The following ETNPPL variants were observed in gnomAD, a reference collection of about 807,000 sequenced individuals.
ETNPPL encodes alanine--glyoxylate aminotransferase 2-like 1.
Under a neutral mutation model 55.5 loss-of-function variants are expected in ETNPPL, and 30 were observed. The observed-to-expected ratio is 0.54, with a 90% confidence interval of 0.40 to 0.73. ETNPPL has a LOEUF of 0.73. Ranked by LOEUF, ETNPPL falls within the 30% of genes least tolerant of loss-of-function variation. The pLI, the probability that ETNPPL is intolerant of heterozygous loss-of-function variation, is 0.00. For missense variants in ETNPPL, 528 were observed against 607.9 expected, an observed-to-expected ratio of 0.87 and a Z score of 1.38; for synonymous variants, 202 against 207.2, an observed-to-expected ratio of 0.98 and a Z score of 0.21.
At chr4:108,757,540 A>G (rs937287648) in intron 3 of ETNPPL, among the ~76,000 whole-genome samples, 1 of 152,232 alleles carries the variant, frequency 6.6e-6, no homozygotes, top group East Asian at 1.9e-4. Flanking sequence ...TGGTAGGCCA[A>G]GGCGGGAAGA....
At chr4:108,757,902 C>T (rs893416962) in intron 3 of ETNPPL, among the ~76,000 whole-genome samples, 1 of 151,260 alleles carries the variant, frequency 6.6e-6, no homozygotes, top group Non-Finnish European at 1.5e-5. Flanking sequence ...CCATGCTGGA[C>T]ATAAATTGGT....
intron 1 of ETNPPL, chr4:108,762,236 G>T: frequency 2.5e-6 from 1 of 394,482 alleles, no homozygotes; most frequent in Non-Finnish European, 5.0e-6. Context: ...AGACAAGCAG[G>T]CTGGGAAGAA....
rs1448076109 is a variant in ETNPPL, at chr4:108,754,645, T to C, written c.476A>G (p.Asp159Gly). 8 of 1,587,170 alleles carry C rather than the reference T, an allele frequency of 5.0e-6. No homozygotes were observed. The highest frequency in any genetic ancestry group is 6.9e-6 in the Non-Finnish European group (8 of 1,157,144). ...CACATGTACAAATTCTTTTTTGACA[T>C]CTTTTCCTTTCTGAAACTTATATGG... ...ISPYKFQKGK[D>G]VKKEFVHVAP... Residue 159 changes from aspartate (D) to glycine (G), a missense_variant, in exon 5 of 13, where the codon GAT becomes GGT. Coordinates refer to ENST00000296486, the MANE Select transcript of ETNPPL (RefSeq NM_031279.4).
chr4:108,743,358 C>T (rs535690457), intron 12 of ETNPPL, among the ~76,000 whole-genome samples: 32 of 152,278 alleles, frequency 2.1e-4, no homozygotes, highest in African/African-American at 4.8e-4. Context: ...TCGAAGCTTA[C>T]GCTTTAGTTC....
chr4:108,751,078 A>G lies in ETNPPL; in HGVS notation c.619-60T>C, dbSNP rs767941652. 45 of 1,168,070 alleles carry G rather than the reference A, an allele frequency of 3.9e-5. No homozygotes were observed. In the South Asian group the frequency reaches 4.2e-4, roughly 11 times the overall value. The allele number at this position is 1,168,070 out of a possible 1,614,324, so 72.4% of individuals were successfully genotyped here. A position where few individuals can be genotyped will look rare whatever the true frequency, so the allele number is the denominator to read the frequency against. On this transcript the variant is annotated intron_variant, in intron 6 of 12. Coordinates refer to ENST00000296486, the MANE Select transcript of ETNPPL (RefSeq NM_031279.4). ...GTCCCCCTACAACCCCCCTAAAAAG[A>G]GTATATCTTATAGAGCAGGTTATTT...
At chr4:108,752,025 G>A (rs989137063) in intron 6 of ETNPPL, among the ~76,000 whole-genome samples, 1 of 152,208 alleles carries the variant, frequency 6.6e-6, no homozygotes, top group Non-Finnish European at 1.5e-5. Flanking sequence ...AAGAGGAAGA[G>A]TATGAAGCTT....
At chr4:108,749,111 A>G (rs954294085) in intron 8 of ETNPPL, 127 bp downstream of exon 8, 4 of 599,898 alleles carry the variant, frequency 6.7e-6, no homozygotes, top group African/African-American at 5.6e-5. Flanking sequence ...AATAAGAAAA[A>G]ACTTTGGCCA....
At chr4:108,762,628 G>A in intron 1 of ETNPPL, 1 of 656,504 alleles carries the variant, frequency 1.5e-6, no homozygotes, top group Admixed American at 2.4e-5. Context: ...GGACTTTCGA[G>A]CGGGCAGGAA....
rs1170079384 is a variant in ETNPPL at position 108,759,771 on chromosome 4, CAGAG to C, written c.309_312del (p.Ser104PhefsTer14). The C allele has an allele frequency of 1.2e-6, 2 of 1,614,112 alleles. No individual in the cohort carries two copies. The highest frequency in any genetic ancestry group is 1.7e-6 in the Non-Finnish European group (2 of 1,180,008). ...TACCCTGAATTTGTAAAATAACAAA[CAGAG>C]AGTTTCTCCGGCAGAGTTGCTGAAA... On this transcript the variant is annotated frameshift_variant, in exon 3 of 13. Coordinates refer to ENST00000296486, the MANE Select transcript of ETNPPL (RefSeq NM_031279.4). LOFTEE classifies it high-confidence loss of function.
In ETNPPL at chr4:108,747,148, A is replaced by ATATATAT. The variant is rs1491176665; in HGVS notation, c.1083-298_1083-297insATATATA. 1.4e-3 allele frequency among the ~76,000 whole-genome samples: 50 copies of ATATATAT among 35,360 alleles called. 7 individuals are homozygous for ATATATAT. Among genetic ancestry groups the ATATATAT allele is most frequent in the African/African-American group, 7.6e-3 (37 of 4,852 alleles). The allele number at this position is 35,360 out of a possible 152,430, so 23.2% of individuals were successfully genotyped here. A position where few individuals can be genotyped will look rare whatever the true frequency, so the allele number is the denominator to read the frequency against. On this transcript the variant is annotated intron_variant, in intron 9 of 12. Transcript: ENST00000296486. ...ATTATATATATATATATATATATAT[A>ATATATAT]ATATATATATATATATTATATATAT...
rs1165612046 is a variant in ETNPPL at position 108,742,428 on chromosome 4, A to T, written c.*56T>A. The T allele has an allele frequency of 6.3e-7, 1 of 1,591,036 alleles. No individual in the cohort carries two copies. The highest frequency in any genetic ancestry group is 1.3e-5 in the African/African-American group (1 of 74,550). ...ATAGAGCTATTAACCGATGAGACAC[A>T]TCTACTCATTCTCTGTAACTCTGGA... On this transcript the variant is annotated 3_prime_UTR_variant, in exon 13 of 13. Coordinates refer to ENST00000296486, the MANE Select transcript of ETNPPL (RefSeq NM_031279.4).
chr4:108,760,433 G>A (rs1370803010), intron 1 of ETNPPL, 127 bp from the exon 2 acceptor site: 3 of 515,940 alleles, frequency 5.8e-6, no homozygotes, highest in Admixed American at 5.7e-5. Context: ...CAACCTGGAT[G>A]ACATACATTT....
chr4:108,762,560 C>T, intron 1 of ETNPPL: 3 of 638,612 alleles, frequency 4.7e-6, no homozygotes, highest in Non-Finnish European at 8.5e-6. Flanking sequence ...CCGTCATCCA[C>T]CAACCCCTCT....
rs527891615 is a variant in ETNPPL at position 108,762,733 on chromosome 4, G to T, written c.56+110C>A. 1.4e-5 allele frequency: 18 copies of T among 1,330,218 alleles called. No individual in the cohort carries two copies. In the African/African-American group the frequency reaches 1.9e-4, roughly 14 times the overall value. The allele number at this position is 1,330,218 out of a possible 1,614,324, so 82.4% of individuals were successfully genotyped here. ...GCGCGTGCACAGGCGCGGCGGGCAC[G>T]GAGTGCGGCTGCAGCGCATCGTTTG... is the stretch of plus-strand genomic sequence containing the variant. On this transcript the variant is annotated intron_variant, in intron 1 of 12. Coordinates refer to ENST00000296486, the MANE Select transcript of ETNPPL (RefSeq NM_031279.4).
intron 11 of ETNPPL, 62 bp from the exon 12 acceptor site, chr4:108,743,918 T>G (rs769388136): frequency 3.6e-6 from 4 of 1,102,482 alleles, no homozygotes; most frequent in Non-Finnish European, 5.5e-6. Flanking sequence ...GAAAAAAACT[T>G]TTTGGTATCT....
At chr4:108,751,496 C>G (rs1280572810) in intron 6 of ETNPPL, among the ~76,000 whole-genome samples, 1 of 152,018 alleles carries the variant, frequency 6.6e-6, no homozygotes, top group Non-Finnish European at 1.5e-5. Context: ...GTTACTGTGC[C>G]GTATTTCTAG....
At chr4:108,749,994 T>A (rs1728819625) in intron 7 of ETNPPL, among the ~76,000 whole-genome samples, 2 of 152,194 alleles carry the variant, frequency 1.3e-5, no homozygotes, top group South Asian at 4.1e-4. Context: ...TTATAGTGCA[T>A]GAGCCACAGC....
At chr4:108,742,715 C>T (rs141092024) in intron 12 of ETNPPL, 103 bp from the exon 13 acceptor site, 12 of 1,321,800 alleles carry the variant, frequency 9.1e-6, no homozygotes, top group Middle Eastern at 2.7e-4. Context: ...CACAGAAAAA[C>T]CAAACAAAAC....
chr4:108,746,825 T>A lies in ETNPPL; in HGVS notation c.1109A>T (p.Asp370Val). 2 of 1,613,672 alleles carry A rather than the reference T, an allele frequency of 1.2e-6. No homozygotes were observed. Among genetic ancestry groups the A allele is most frequent in the Non-Finnish European group, 1.7e-6 (2 of 1,179,870 alleles). ...CCTTTTCAGATGGTCCTTCACTAAA[T>A]CAATTCCAATAAAAAGGCCAATGCC... is the stretch of plus-strand genomic sequence containing the variant. ...IRGIGLFIGI[D>V]LVKDHLKRTP... The change falls in exon 10 of 13, where the codon GAT (aspartate) becomes GTT (valine). Residue 370 changes from aspartate (D) to valine (V), a missense_variant. Coordinates refer to ENST00000296486, the MANE Select transcript of ETNPPL (RefSeq NM_031279.4).
Sources: gnomAD v4.1 joint callset for allele counts (sites outside exome capture counted in the v4.1 genomes callset) on GRCh38, gnomAD v4.1.1 for gene constraint, MANE v1.5 for transcripts, NCBI Gene and HGNC (gene_info 2026-07-23, HGNC 2026-07-21) for gene names.